Variants in NGEF observed in about 807,000 individuals in gnomAD.
NGEF encodes the protein ephexin-1.
NGEF carries 31 observed loss-of-function variants against 80.9 expected under a neutral mutation model. The ratio of observed to expected loss-of-function variants is 0.38; its 90% confidence interval spans 0.29 to 0.52. NGEF has a LOEUF of 0.52. Ranked by LOEUF, NGEF falls within the 20% of genes least tolerant of loss-of-function variation. The probability of loss-of-function intolerance (pLI) is 0.84; values close to 1 mark genes in which losing one functional copy is unlikely to be tolerated. For missense variants in NGEF, 709 were observed against 926.2 expected, an observed-to-expected ratio of 0.77 and a Z score of 3.04; for synonymous variants, 371 against 370.2, an observed-to-expected ratio of 1.00 and a Z score of -0.03.
intron 1 of NGEF, among the ~76,000 whole-genome samples, chr2:232,986,163 T>TG: frequency 6.6e-6 from 1 of 152,072 alleles, no homozygotes; most frequent in South Asian, 2.1e-4. Context: ...TGAGATACCA[T>TG]CTCACACCTG....
intron 1 of NGEF, among the ~76,000 whole-genome samples, chr2:233,003,304 A>C (rs1574665865): frequency 6.6e-6 from 1 of 152,224 alleles, no homozygotes; most frequent in Non-Finnish European, 1.5e-5. Flanking sequence ...CTCTGCTCCC[A>C]GACCCACAGC....
At chr2:232,989,564 T>C (rs562919881) in intron 1 of NGEF, among the ~76,000 whole-genome samples, 1 of 152,280 alleles carries the variant, frequency 6.6e-6, no homozygotes, top group East Asian at 1.9e-4. Context: ...GAAATGAGTC[T>C]ATTCTAAAAA....
At chr2:232,921,959 C>G (rs1024506180) in intron 4 of NGEF, among the ~76,000 whole-genome samples, 4 of 152,040 alleles carry the variant, frequency 2.6e-5, no homozygotes, top group Admixed American at 2.0e-4. Context: ...ACCAGAGGCC[C>G]CACTGGAGGA....
chr2:232,889,407 C>T (rs979242090), intron 8 of NGEF, among the ~76,000 whole-genome samples: 10 of 152,164 alleles, frequency 6.6e-5, no homozygotes, highest in African/African-American at 2.4e-4. Flanking sequence ...GTCCCTGACC[C>T]GCCACCCCTT....
chr2:232,895,297 C>A (rs1416148664), intron 5 of NGEF, among the ~76,000 whole-genome samples: 1 of 152,044 alleles, frequency 6.6e-6, no homozygotes. Context: ...GAGGCCGAGG[C>A]GGGCAGATCA....
chr2:232,998,284 T>A (rs1694897468), intron 1 of NGEF, among the ~76,000 whole-genome samples: 1 of 152,104 alleles, frequency 6.6e-6, no homozygotes, highest in African/African-American at 2.4e-5. Context: ...CAGTAAATTG[T>A]CCAGGATCAC....
At chr2:232,931,699 G>C (rs1693217858) in intron 3 of NGEF, among the ~76,000 whole-genome samples, 1 of 152,194 alleles carries the variant, frequency 6.6e-6, no homozygotes, top group African/African-American at 2.4e-5. Context: ...AACAGTGCCA[G>C]CTGGGCCTGA....
At chr2:232,980,521 CAG>C (rs1334552551) in intron 1 of NGEF, among the ~76,000 whole-genome samples, 2 of 151,536 alleles carry the variant, frequency 1.3e-5, no homozygotes, top group Non-Finnish European at 2.9e-5. Context: ...TTTTTTTTGA[CAG>C]AGTCTTGCTC....
chr2:232,947,818 C>T (rs879826717), intron 3 of NGEF, among the ~76,000 whole-genome samples: 2 of 152,074 alleles, frequency 1.3e-5, no homozygotes, highest in Non-Finnish European at 2.9e-5. Flanking sequence ...AGATAAGAGG[C>T]CTGTATTTTT....
chr2:232,949,099 T>C (rs1285579144), intron 3 of NGEF, among the ~76,000 whole-genome samples: 1 of 152,126 alleles, frequency 6.6e-6, no homozygotes, highest in Non-Finnish European at 1.5e-5. Context: ...AATGTTGAGG[T>C]TGGGATGTCG....
intron 2 of NGEF, among the ~76,000 whole-genome samples, chr2:232,970,873 T>G (rs1488559473): frequency 6.6e-6 from 1 of 152,028 alleles, no homozygotes; most frequent in Non-Finnish European, 1.5e-5. Context: ...ACATACGTAG[T>G]CAGTGGAAAA....
At chr2:232,883,175 C>T (rs745571381) in intron 12 of NGEF, 136 bp downstream of exon 12, 83 of 1,107,210 alleles carry the variant, frequency 7.5e-5, no homozygotes, top group South Asian at 8.5e-5. Flanking sequence ...AGGGTCTGGA[C>T]GGGAAGGATG....
Position 232,879,331 on chromosome 2 carries a change from T to G in NGEF, c.*158A>C. 1 of 679,366 alleles carries G rather than the reference T, an allele frequency of 1.5e-6. No individual in the cohort carries two copies. Among genetic ancestry groups the G allele is most frequent in the Admixed American group, 2.8e-5 (1 of 35,732 alleles). The allele number at this position is 679,366 out of a possible 1,614,324, so 42.1% of individuals were successfully genotyped here. A position where few individuals can be genotyped will look rare whatever the true frequency, so the allele number is the denominator to read the frequency against. On this transcript the variant is annotated 3_prime_UTR_variant, in exon 15 of 15. Transcript: ENST00000264051. ...TTTGCGAGCAAGGGGCCAAGACACATGAGCACTCACTGCGTGGGCAGGGAT... is the reference window on the plus strand; with the variant it reads ...TTTGCGAGCAAGGGGCCAAGACACAGGAGCACTCACTGCGTGGGCAGGGAT...
At chr2:232,930,055 C>T (rs964937139) in intron 3 of NGEF, among the ~76,000 whole-genome samples, 9 of 152,132 alleles carry the variant, frequency 5.9e-5, no homozygotes, top group Non-Finnish European at 1.2e-4. Flanking sequence ...AATTGTGAGT[C>T]CATTAAATCT....
intron 3 of NGEF, among the ~76,000 whole-genome samples, chr2:232,944,252 G>A (rs1353276550): frequency 6.6e-6 from 1 of 152,026 alleles, no homozygotes; most frequent in Non-Finnish European, 1.5e-5. Flanking sequence ...TTAAAAAAAA[G>A]AAAAGAAGAG....
At chr2:232,910,592 C>T (rs1430843332) in intron 5 of NGEF, among the ~76,000 whole-genome samples, 2 of 151,668 alleles carry the variant, frequency 1.3e-5, no homozygotes, top group Admixed American at 6.5e-5. Flanking sequence ...CGGGGCGGGG[C>T]TGCTGGGTAG....
chr2:232,907,772 G>A (rs1290094884), intron 5 of NGEF, among the ~76,000 whole-genome samples: 1 of 152,040 alleles, frequency 6.6e-6, no homozygotes, highest in Non-Finnish European at 1.5e-5. Context: ...TATATATCTT[G>A]AACATTCACG....
At chr2:232,880,885 G>T (rs1038973794) in intron 14 of NGEF, among the ~76,000 whole-genome samples, 1 of 151,902 alleles carries the variant, frequency 6.6e-6, no homozygotes, top group Non-Finnish European at 1.5e-5. Context: ...GCTTGGGCTG[G>T]GCCCACTGCG....
intron 14 of NGEF, 43 bp from the exon 15 acceptor site, chr2:232,879,722 G>C (rs372606983): frequency 7.6e-6 from 12 of 1,574,284 alleles, no homozygotes; most frequent in Non-Finnish European, 1.0e-5. Context: ...GCTCCTGCAG[G>C]GCACAGGCTG....
Sources: gnomAD v4.1 joint callset for allele counts (sites outside exome capture counted in the v4.1 genomes callset) on GRCh38, gnomAD v4.1.1 for gene constraint, MANE v1.5 for transcripts, NCBI Gene and HGNC (gene_info 2026-07-23, HGNC 2026-07-21) for gene names.